Variants in TCTN2 observed in about 807,000 individuals in gnomAD.
The protein encoded by TCTN2 is tectonic-2.
A neutral mutation model predicts 83.4 loss-of-function variants in TCTN2; 66 were observed. That is an observed-to-expected ratio of 0.79 (90% CI 0.65 to 0.97). The LOEUF is 0.97. TCTN2 is among the 50% of genes least tolerant of loss of function. The pLI is 0.00. For synonymous variants in TCTN2, 301 were observed against 326.7 expected, an observed-to-expected ratio of 0.92 and a Z score of 0.85; for missense variants, 794 against 858.1, an observed-to-expected ratio of 0.93 and a Z score of 0.93.
intron 7 of TCTN2, among the ~76,000 whole-genome samples, chr12:123,689,726 T>C (rs559177502): frequency 6.6e-6 from 1 of 152,308 alleles, no homozygotes; most frequent in East Asian, 1.9e-4. Context: ...ATCATTTTAT[T>C]TACCATTCTA....
intron 9 of TCTN2, among the ~76,000 whole-genome samples, chr12:123,694,288 C>T (rs1393159331): frequency 6.6e-6 from 1 of 152,134 alleles, no homozygotes; most frequent in South Asian, 2.1e-4. Flanking sequence ...CCACCGCACC[C>T]GGCCTAATTT....
intron 14 of TCTN2, among the ~76,000 whole-genome samples, chr12:123,702,301 T>C (rs1956181719): frequency 6.6e-6 from 1 of 152,162 alleles, no homozygotes; most frequent in Non-Finnish European, 1.5e-5. Flanking sequence ...GGATCAGCCC[T>C]CTGGATCCTG....
chr12:123,707,118 T>A (rs1037523162), intron 17 of TCTN2, 45 bp downstream of exon 17: 122 of 1,561,724 alleles, frequency 7.8e-5, no homozygotes, highest in Non-Finnish European at 1.0e-4. Flanking sequence ...TATGTCAATT[T>A]AAAAAAATTT....
intron 12 of TCTN2, 71 bp downstream of exon 12, chr12:123,696,566 C>A: frequency 7.4e-7 from 1 of 1,343,504 alleles, no homozygotes; most frequent in Non-Finnish European, 1.1e-6. Flanking sequence ...TATTTTGAAT[C>A]TAATCAAGCA....
Position 123,694,976 on chromosome 12 carries a change from G to C in TCTN2, c.1234G>C (p.Gly412Arg). The C allele has an allele frequency of 6.2e-7, 1 of 1,613,258 alleles. No homozygotes were observed. Among genetic ancestry groups the C allele is most frequent in the East Asian group, 2.2e-5 (1 of 44,844 alleles). The change falls in exon 10 of 18, where the codon GGG becomes CGG. Residue 412 changes from glycine (G) to arginine (R), a missense_variant and splice_region_variant. Physicochemically the swap from Gly to Arg is moderately radical, Grantham distance 125. Transcript: ENST00000303372. ...FRAEINAHQK[G>R]IMTQRFVVKF... Reference sequence around the variant, plus strand: ...GGCAGAGATTAATGCCCACCAGAAAGGTAACTTTGATGAGGGTAGCAAGCA... The same window carrying C: ...GGCAGAGATTAATGCCCACCAGAAACGTAACTTTGATGAGGGTAGCAAGCA...
chr12:123,681,247 ACTCT>A (rs1204297566), intron 5 of TCTN2, among the ~76,000 whole-genome samples: 1 of 112,944 alleles, frequency 8.9e-6, no homozygotes, highest in Non-Finnish European at 1.9e-5. Flanking sequence ...ACAGAGCAAG[ACTCT>A]CTTTCAAAAA....
At chr12:123,682,100 G>A (rs1393730535) in intron 5 of TCTN2, among the ~76,000 whole-genome samples, 2 of 152,024 alleles carry the variant, frequency 1.3e-5, no homozygotes, top group Non-Finnish European at 2.9e-5. Context: ...CTTCCCAAGT[G>A]GCTGGAACCA....
At chr12:123,692,606 C>T (rs570778432) in intron 8 of TCTN2, 52 bp from the exon 9 acceptor site, 1 of 1,382,722 alleles carries the variant, frequency 7.2e-7, no homozygotes, top group African/African-American at 1.4e-5. Flanking sequence ...TAAGTGTGAT[C>T]ATGGTAGGCC....
rs199903945 is a variant in TCTN2, at chr12:123,688,040, T to C, written c.765-11T>C. 71 of 1,613,672 alleles carry C rather than the reference T, an allele frequency of 4.4e-5. No homozygotes were observed. The highest frequency in any genetic ancestry group is 5.3e-5 in the Non-Finnish European group (62 of 1,179,820). On this transcript the variant is annotated splice_polypyrimidine_tract_variant and intron_variant, in intron 6 of 17. Transcript: ENST00000303372. ...AACTGAAACTATTCAGCCTTTCTTATTGATTTTCAGTTCCCCCAAACAGGA... is the reference window on the plus strand; with the variant it reads ...AACTGAAACTATTCAGCCTTTCTTACTGATTTTCAGTTCCCCCAAACAGGA...
intron 13 of TCTN2, among the ~76,000 whole-genome samples, chr12:123,698,234 G>A (rs764648370): frequency 4.6e-5 from 7 of 151,884 alleles, no homozygotes; most frequent in Admixed American, 1.3e-4. Context: ...TAGAGATGGG[G>A]TTTCTCCATG....
At chr12:123,707,125 AT>A in intron 17 of TCTN2, 52 bp downstream of exon 17, 2 of 1,499,336 alleles carry the variant, frequency 1.3e-6, no homozygotes, top group Non-Finnish European at 1.9e-6. Flanking sequence ...ATTTAAAAAA[AT>A]TTTTTAAATG....
chr12:123,675,439 T>C (rs1296489049), intron 4 of TCTN2, among the ~76,000 whole-genome samples: 8 of 152,160 alleles, frequency 5.3e-5, no homozygotes, highest in African/African-American at 1.9e-4. Context: ...TTCCAGACTT[T>C]AGTAGCAAAA....
chr12:123,706,961 G>A (rs1009370771), intron 16 of TCTN2, 24 bp from the exon 17 acceptor site: 3 of 1,613,628 alleles, frequency 1.9e-6, no homozygotes, highest in Non-Finnish European at 1.7e-6. Context: ...TGTAGTTTTT[G>A]TAACCCTCTA....
chr12:123,675,629 G>C (rs1955811098), intron 4 of TCTN2, among the ~76,000 whole-genome samples: 1 of 152,152 alleles, frequency 6.6e-6, no homozygotes, highest in Admixed American at 6.5e-5. Flanking sequence ...AGTGAAAAAA[G>C]CAAGTGCAGA....
chr12:123,690,387 G>A, intron 7 of TCTN2, 146 bp from the exon 8 acceptor site: 1 of 1,074,226 alleles, frequency 9.3e-7, no homozygotes, highest in Non-Finnish European at 1.4e-6. Flanking sequence ...GCTAAAGCGG[G>A]TCAACTAGTC....
At chr12:123,679,086 C>A in intron 4 of TCTN2, 103 bp from the exon 5 acceptor site, 1 of 1,069,636 alleles carries the variant, frequency 9.3e-7, no homozygotes, top group Admixed American at 1.7e-5. Flanking sequence ...CGTGAGCCAC[C>A]GCGCCTGGCC....
chr12:123,695,139 T>C (rs1039041677), intron 10 of TCTN2, 81 bp from the exon 11 acceptor site: 14 of 1,398,884 alleles, frequency 1.0e-5, no homozygotes, highest in Non-Finnish European at 1.0e-6. Context: ...CAAAATGCAA[T>C]TTTAAGGTAA....
At chr12:123,674,692 G>A (rs1035215500) in intron 4 of TCTN2, among the ~76,000 whole-genome samples, 1 of 152,096 alleles carries the variant, frequency 6.6e-6, no homozygotes, top group Non-Finnish European at 1.5e-5. Context: ...CCAGGAGTTC[G>A]AGACCAACCT....
chr12:123,671,542 G>A lies in TCTN2; in HGVS notation c.118G>A (p.Ala40Thr). ...IPPFIRMSGP[A>T]VSASLVGDTE... ...TCCTTTTATCCGAATGTCCGGCCCT[G>A]CGGTCAGCGCGTCCCTGGTCGGAGA... Residue 40 changes from alanine (A) to threonine (T), a missense_variant, in exon 2 of 18, where the codon GCG (alanine) becomes ACG (threonine). Coordinates refer to ENST00000303372, the MANE Select transcript of TCTN2 (RefSeq NM_024809.5). 6.2e-7 allele frequency: 1 copy of A among 1,614,072 alleles called. No homozygotes were observed. The highest frequency in any genetic ancestry group is 1.1e-5 in the South Asian group (1 of 91,076).
Sources: gnomAD v4.1 joint callset for allele counts (sites outside exome capture counted in the v4.1 genomes callset) on GRCh38, gnomAD v4.1.1 for gene constraint, MANE v1.5 for transcripts, NCBI Gene and HGNC (gene_info 2026-07-23, HGNC 2026-07-21) for gene names.